NCOR1: variants seen among roughly 807,000 people sequenced by gnomAD.
The protein encoded by NCOR1 is nuclear receptor corepressor 1, also known as protein phosphatase 1, regulatory subunit 109.
In NCOR1, 63 loss-of-function variants were observed where a neutral mutation model predicts 288.1. The observed-to-expected ratio is 0.22, with a 90% CI of 0.18 to 0.27. NCOR1 has a LOEUF of 0.27. Among genes scored for constraint, NCOR1 ranks in the 10% least tolerant of loss-of-function variants. The pLI is 1.00. For synonymous variants in NCOR1, 1,007 were observed against 1,065.9 expected, an observed-to-expected ratio of 0.94 and a Z score of 1.08; for missense variants, 2,397 against 3,019.2, an observed-to-expected ratio of 0.79 and a Z score of 4.83.
At chr17:16,150,323 AAAG>A (rs2078653104) in intron 8 of NCOR1, among the ~76,000 whole-genome samples, 1 of 152,138 alleles carries the variant, frequency 6.6e-6, no homozygotes, top group African/African-American at 2.4e-5. Flanking sequence ...CAAGAGATGA[AAAG>A]AATTATTAAA....
At chr17:16,174,867 A>T (rs1383876721) in intron 3 of NCOR1, among the ~76,000 whole-genome samples, 4 of 152,208 alleles carry the variant, frequency 2.6e-5, no homozygotes, top group Non-Finnish European at 4.4e-5. Flanking sequence ...GAGTTACCAC[A>T]TGACCCAGCA....
rs747277626 is a variant in NCOR1, at chr17:16,064,164, C to T, written c.5125G>A (p.Ala1709Thr). The change falls in exon 35 of 46, where the codon GCT becomes ACT. Residue 1709 changes from alanine (A) to threonine (T), a missense_variant. Around this residue, in one of 11 missense-constraint regions of NCOR1, gnomAD observed 1,872 missense variants for 2,187.8 expected, o/e 0.86. Coordinates refer to ENST00000268712, the MANE Select transcript of NCOR1 (RefSeq NM_006311.4). Reference protein sequence around the residue: ...SPGHPTHLAAAASAERERERE... With the variant: ...SPGHPTHLAATASAERERERE... Reference sequence around the variant, plus strand: ...TCCCGTTCCCTCTCAGCACTTGCAGCAGCTGCAAGGTGTGTTGGGTGTCCT... The same window carrying T: ...TCCCGTTCCCTCTCAGCACTTGCAGTAGCTGCAAGGTGTGTTGGGTGTCCT... The T allele has an allele frequency of 6.2e-7, 1 of 1,614,058 alleles. No individual in the cohort carries two copies.
rs2074538999 is a variant in NCOR1 at position 16,127,369 on chromosome 17, GTATGTATATA to G, written c.1510-1173_1510-1164del. Among the ~76,000 whole-genome samples the G allele has an allele frequency of 3.8e-4, 12 of 31,746 alleles. 4 individuals carry two copies. The highest frequency in any genetic ancestry group is 5.8e-4 in the African/African-American group (6 of 10,294). 20.8% of individuals were successfully genotyped at this position (31,746 alleles called of 152,430 possible). ...TGTATATATGTATGTATATATACAT[GTATGTATATA>G]TGTATGTATATATACATGTGTATAT... On this transcript the variant is annotated intron_variant, in intron 14 of 45. Coordinates refer to ENST00000268712, the MANE Select transcript of NCOR1 (RefSeq NM_006311.4).
intron 4 of NCOR1, among the ~76,000 whole-genome samples, chr17:16,171,522 C>T (rs1479578531): frequency 6.6e-6 from 1 of 152,032 alleles, no homozygotes; most frequent in Admixed American, 6.6e-5. Context: ...AGCCAGCAAG[C>T]CAGTAAAAAA....
At chr17:16,065,464 C>A (rs757389668) in intron 33 of NCOR1, 21 bp downstream of exon 33, 3 of 1,611,528 alleles carry the variant, frequency 1.9e-6, no homozygotes, top group Non-Finnish European at 2.5e-6. Context: ...TCTACGAAAT[C>A]TGAAATGCAA....
chr17:16,081,128 T>C (rs1336753191), intron 23 of NCOR1, among the ~76,000 whole-genome samples: 1 of 151,564 alleles, frequency 6.6e-6, no homozygotes, highest in Non-Finnish European at 1.5e-5. Flanking sequence ...CTCTCTTCCA[T>C]AAAAGCAACA....
At chr17:16,187,954 G>C (rs2087064368) in intron 2 of NCOR1, among the ~76,000 whole-genome samples, 1 of 150,574 alleles carries the variant, frequency 6.6e-6, no homozygotes, top group Non-Finnish European at 1.5e-5. Flanking sequence ...CATAGAAACA[G>C]AAAATGAATT....
intron 21 of NCOR1, among the ~76,000 whole-genome samples, chr17:16,095,323 G>A (rs1463701062): frequency 6.7e-6 from 1 of 149,876 alleles, no homozygotes; most frequent in Non-Finnish European, 1.5e-5. Flanking sequence ...GAGACCCTCT[G>A]CCCGGCTGCC....
rs375150524 is a variant in NCOR1 at position 16,070,338 on chromosome 17, C to T, written c.4340G>A (p.Arg1447Gln). ...DVKAGETVRS[R>Q]HTSVVSSGPS... ...GCCAGAGCTTACCACTGACGTGTGC[C>T]GGGAACGCACGGTCTCGCCTGCTTT... The change falls in exon 31 of 46, where the codon CGG (arginine) becomes CAG (glutamine). Residue 1447 changes from arginine to glutamine, a missense_variant. Transcript: ENST00000268712. 2.7e-5 allele frequency: 44 copies of T among 1,613,970 alleles called. No individual in the cohort carries two copies. Among genetic ancestry groups the T allele is most frequent in the African/African-American group, 4.0e-5 (3 of 74,882 alleles).
At chr17:16,065,444 C>T (rs1330270804) in intron 33 of NCOR1, 41 bp downstream of exon 33, 1 of 1,596,696 alleles carries the variant, frequency 6.3e-7, no homozygotes, top group Admixed American at 1.7e-5. Context: ...ACTAGGTAAA[C>T]ATAATAAATT....
intron 8 of NCOR1, among the ~76,000 whole-genome samples, chr17:16,151,218 AGAT>A (rs1278191563): frequency 6.6e-6 from 1 of 151,692 alleles, no homozygotes; most frequent in Non-Finnish European, 1.5e-5. Flanking sequence ...TTTAAAAAAA[AGAT>A]ATCTATCTAG....
At chr17:16,185,710 G>C (rs144528142) in intron 3 of NCOR1, among the ~76,000 whole-genome samples, 1 of 56,022 alleles carries the variant, frequency 1.8e-5, no homozygotes, top group Non-Finnish European at 4.0e-5. Flanking sequence ...AAAAAAAAAA[G>C]AATTAACTAT....
chr17:16,092,462 GGGCAACAC>G (rs2065330083), intron 21 of NCOR1, among the ~76,000 whole-genome samples: 2 of 151,456 alleles, frequency 1.3e-5, no homozygotes, highest in African/African-American at 4.9e-5. Context: ...ACTCCAGCCT[GGGCAACAC>G]AGCAAGACCT....
chr17:16,184,050 C>A (rs755436312), intron 3 of NCOR1, among the ~76,000 whole-genome samples: 3 of 152,112 alleles, frequency 2.0e-5, no homozygotes, highest in Non-Finnish European at 2.9e-5. Flanking sequence ...AAATTAGACC[C>A]TTGTTTTACA....
chr17:16,037,902 C>T (rs2056747959), intron 44 of NCOR1, among the ~76,000 whole-genome samples: 1 of 152,136 alleles, frequency 6.6e-6, no homozygotes, highest in Non-Finnish European at 1.5e-5. Flanking sequence ...CAAATTTTTT[C>T]CTCAGCCCCA....
chr17:16,152,975 A>T (rs1431166216), intron 7 of NCOR1, among the ~76,000 whole-genome samples: 1 of 152,144 alleles, frequency 6.6e-6, no homozygotes, highest in African/African-American at 2.4e-5. Context: ...CCATAAGTAT[A>T]TTTATGCACA....
intron 1 of NCOR1, among the ~76,000 whole-genome samples, chr17:16,200,857 C>A (rs1318185998): frequency 1.3e-5 from 2 of 152,166 alleles, no homozygotes; most frequent in African/African-American, 4.8e-5. Flanking sequence ...CCACCCTGGG[C>A]ATCCCAACAC....
intron 18 of NCOR1, among the ~76,000 whole-genome samples, chr17:16,116,784 T>G (rs2071689326): frequency 6.6e-6 from 1 of 152,224 alleles, no homozygotes; most frequent in African/African-American, 2.4e-5. Flanking sequence ...ATGGGTGAGA[T>G]TTAATAAAAT....
At chr17:16,073,345 A>G in intron 28 of NCOR1, 84 bp downstream of exon 28, 2 of 1,252,548 alleles carry the variant, frequency 1.6e-6, no homozygotes, top group Non-Finnish European at 2.1e-6. Flanking sequence ...AATGACAGAA[A>G]TTGCATACAA....
Sources: allele counts gnomAD v4.1 joint callset (sites outside exome capture counted in the v4.1 genomes callset), GRCh38; gene constraint gnomAD v4.1.1; regional missense constraint gnomAD v4.1.1; transcripts MANE v1.5; gene names NCBI Gene and HGNC (gene_info 2026-07-23, HGNC 2026-07-21).